COL19A1: variants seen among roughly 807,000 people sequenced by gnomAD.
The protein encoded by COL19A1 is collagen type XIX alpha 1 chain.
Under a neutral mutation model 190.2 loss-of-function variants are expected in COL19A1, and 159 were observed. The ratio of observed to expected loss-of-function variants is 0.84; its 90% CI spans 0.73 to 0.95. The LOEUF is 0.95. Among genes scored for constraint, COL19A1 ranks in the 40% least tolerant of loss-of-function variants. The pLI is 0.00. For missense variants in COL19A1, 1,418 were observed against 1,431.9 expected (o/e 0.99, Z 0.16); for synonymous variants, 509 against 458.9 (o/e 1.11, Z -1.39).
chr6:70,118,828 T>A (rs1582956089), intron 16 of COL19A1, among the ~76,000 whole-genome samples: 1 of 85,032 alleles, frequency 1.2e-5, no homozygotes, highest in Non-Finnish European at 2.3e-5. Context: ...TGCCCTTGCC[T>A]TTGTTTTTAG....
intron 27 of COL19A1, among the ~76,000 whole-genome samples, chr6:70,147,241 A>G (rs1182898399): frequency 6.6e-6 from 1 of 152,204 alleles, no homozygotes; most frequent in Admixed American, 6.5e-5. Flanking sequence ...TTTTTAATTA[A>G]GTTAAAACAA....
chr6:69,914,228 A>C (rs1335782456), intron 4 of COL19A1, among the ~76,000 whole-genome samples: 1 of 152,162 alleles, frequency 6.6e-6, no homozygotes, highest in African/African-American at 2.4e-5. Context: ...AGCAAACACA[A>C]AAGGGCTAAG....
At chr6:70,040,642 T>G (rs1199582968) in intron 14 of COL19A1, among the ~76,000 whole-genome samples, 1 of 152,194 alleles carries the variant, frequency 6.6e-6, no homozygotes, top group Non-Finnish European at 1.5e-5. Context: ...TAGATTCATG[T>G]TCACGGGTCA....
chr6:70,051,056 C>T (rs1780174509), intron 14 of COL19A1, among the ~76,000 whole-genome samples: 1 of 152,084 alleles, frequency 6.6e-6, no homozygotes, highest in Non-Finnish European at 1.5e-5. Context: ...TTGTTAAGGT[C>T]ATTTTCAACT....
chr6:70,077,709 G>C (rs12204245), intron 15 of COL19A1, among the ~76,000 whole-genome samples: 43,986 of 152,108 alleles, frequency 0.29, 8,038 homozygotes, highest in Non-Finnish European at 0.41. Context: ...TCTTATGTGA[G>C]AGATGTTAAC....
chr6:70,028,447 A>G (rs763324962), intron 12 of COL19A1, among the ~76,000 whole-genome samples: 16 of 152,140 alleles, frequency 1.1e-4, no homozygotes, highest in Non-Finnish European at 1.6e-4. Context: ...AGAAGAATAG[A>G]CCAAGAGTCT....
intron 18 of COL19A1, among the ~76,000 whole-genome samples, chr6:70,130,676 G>A (rs1785467489): frequency 6.6e-6 from 1 of 152,258 alleles, no homozygotes. Context: ...CCTGCCTCCT[G>A]ACCAGGCAGT....
chr6:70,063,936 G>A (rs1034090241), intron 14 of COL19A1, among the ~76,000 whole-genome samples: 1 of 152,104 alleles, frequency 6.6e-6, no homozygotes, highest in Non-Finnish European at 1.5e-5. Context: ...GGAAGAAGTT[G>A]AATCTCTTAA....
intron 17 of COL19A1, among the ~76,000 whole-genome samples, chr6:70,122,706 T>C (rs1784953093): frequency 6.6e-6 from 1 of 152,192 alleles, no homozygotes; most frequent in African/African-American, 2.4e-5. Flanking sequence ...ATGTCTTTCT[T>C]TTCCATGTTC....
intron 9 of COL19A1, among the ~76,000 whole-genome samples, chr6:69,942,740 A>ATG (rs35406948): frequency 0.31 from 45,980 of 146,450 alleles, 7,304 homozygotes; most frequent in Non-Finnish European, 0.37. Flanking sequence ...CATTGTGTGT[A>ATG]TGTGTGTGTG....
In COL19A1 at chr6:70,161,961, T is replaced by A; in HGVS notation, c.2346+8T>A. On this transcript the variant is annotated splice_region_variant and intron_variant, in intron 35 of 50. Coordinates refer to ENST00000620364, the MANE Select transcript of COL19A1 (RefSeq NM_001858.6). ...GGCCCGACTGGACCCCCTGTAAGTA[T>A]TTGTTAAAACGATTGCACTCACAGC... is the stretch of plus-strand genomic sequence containing the variant. 20 of 1,592,024 alleles carry A rather than the reference T, an allele frequency of 1.3e-5. No homozygotes were observed. The highest frequency in any genetic ancestry group is 1.7e-5 in the Non-Finnish European group (20 of 1,171,274).
intron 43 of COL19A1, 41 bp downstream of exon 43, chr6:70,180,397 G>A (rs1423213802): frequency 6.2e-7 from 1 of 1,614,068 alleles, no homozygotes; most frequent in Non-Finnish European, 8.5e-7. Flanking sequence ...TACTTGTGTT[G>A]TACTTGCATG....
chr6:69,922,590 C>A (rs1165739780), intron 4 of COL19A1, among the ~76,000 whole-genome samples: 1 of 150,466 alleles, frequency 6.6e-6, no homozygotes, highest in Non-Finnish European at 1.5e-5. Context: ...AAACAATTCT[C>A]CTGCCTCAGC....
At chr6:69,907,709 A>C (rs1770654804) in intron 4 of COL19A1, among the ~76,000 whole-genome samples, 1 of 152,192 alleles carries the variant, frequency 6.6e-6, no homozygotes, top group Non-Finnish European at 1.5e-5. Flanking sequence ...TTTACTGTAT[A>C]ATTTTCACAG....
At chr6:69,916,261 A>C (rs1034379425) in intron 4 of COL19A1, among the ~76,000 whole-genome samples, 12 of 152,156 alleles carry the variant, frequency 7.9e-5, no homozygotes, top group Non-Finnish European at 1.5e-4. Flanking sequence ...CTTTAAGGAA[A>C]TGCTTGGTGA....
intron 9 of COL19A1, among the ~76,000 whole-genome samples, chr6:69,957,327 C>A (rs1774480850): frequency 6.6e-6 from 1 of 151,998 alleles, no homozygotes. Flanking sequence ...AACTTTGTCC[C>A]AAAAACTTCT....
intron 14 of COL19A1, among the ~76,000 whole-genome samples, chr6:70,065,412 A>G (rs1021492500): frequency 5.3e-5 from 8 of 152,360 alleles, no homozygotes; most frequent in Admixed American, 1.3e-4. Flanking sequence ...CGTATGTAGA[A>G]AGCTGAAACT....
chr6:70,152,775 C>G lies in COL19A1; in HGVS notation c.2079+1337C>G, dbSNP rs566343793. On this transcript the variant is annotated intron_variant, in intron 31 of 50. Transcript: ENST00000620364. ...CAGACATTAAGTCCTAGATTCTTTA[C>G]AAGACAGTGGTGCTGGAAATAGCAG... 1.6e-4 allele frequency among the ~76,000 whole-genome samples: 25 copies of G among 152,208 alleles called. No homozygotes were observed. In the South Asian group the frequency reaches 5.2e-3, roughly 32 times the overall value.
At chr6:70,086,643 C>A (rs1219505043) in intron 15 of COL19A1, among the ~76,000 whole-genome samples, 1 of 152,122 alleles carries the variant, frequency 6.6e-6, no homozygotes, top group Non-Finnish European at 1.5e-5. Flanking sequence ...GGTTTTATCT[C>A]ATGTTATCTA....
Sources: allele counts gnomAD v4.1 joint callset (sites outside exome capture counted in the v4.1 genomes callset), GRCh38; gene constraint gnomAD v4.1.1; transcripts MANE v1.5; gene names NCBI Gene and HGNC (gene_info 2026-07-23, HGNC 2026-07-21).